TTC28: variants seen among roughly 807,000 people sequenced by gnomAD.
TTC28 encodes tetratricopeptide repeat protein 28.
A neutral mutation model predicts 198.0 loss-of-function variants in TTC28; 61 were observed. That is an observed-to-expected ratio of 0.31 (90% CI 0.25 to 0.38). The LOEUF is 0.38. Among genes scored for constraint, TTC28 ranks in the 10% least tolerant of loss-of-function variants. TTC28 has a pLI of 1.00. For missense variants in TTC28, 2,678 were observed against 3,164.0 expected (o/e 0.85, Z 3.69); for synonymous variants, 1,171 against 1,297.8 (o/e 0.90, Z 2.10).
chr22:28,587,607 T>A (rs1986052), intron 2 of TTC28, among the ~76,000 whole-genome samples: 50,412 of 151,380 alleles, frequency 0.33, 9,169 homozygotes, highest in African/African-American at 0.49. Context: ...CCACCACGCC[T>A]GGCTAATTTT....
At chr22:28,545,920 T>A (rs1253012677) in intron 2 of TTC28, among the ~76,000 whole-genome samples, 1 of 152,188 alleles carries the variant, frequency 6.6e-6, no homozygotes, top group Non-Finnish European at 1.5e-5. Flanking sequence ...ATCAATAGAA[T>A]TCAATGCAAT....
intron 12 of TTC28, among the ~76,000 whole-genome samples, chr22:28,057,261 G>GTCACTCCAATAATA (rs1940326872): frequency 1.3e-5 from 2 of 152,154 alleles, no homozygotes; most frequent in Admixed American, 1.3e-4. Flanking sequence ...TAATACATAA[G>GTCACTCCAATAATA]CATTTTAGTA....
Position 28,614,092 on chromosome 22 carries a change from A to G in TTC28, c.381+15460T>C, listed in dbSNP as rs557909268. 2.1e-3 allele frequency among the ~76,000 whole-genome samples: 322 copies of G among 152,326 alleles called. 1 individual carries two copies. The highest frequency in any genetic ancestry group is 3.7e-3 in the Non-Finnish European group (255 of 68,016). On this transcript the variant is annotated intron_variant, in intron 2 of 22. Transcript: ENST00000397906. ...CCTTAAGCTGATAAGCAACTTCAGC[A>G]AAGTCTCAGGATACAAAATCAATGT...
At chr22:28,446,284 G>A (rs1458012865) in intron 2 of TTC28, among the ~76,000 whole-genome samples, 2 of 151,836 alleles carry the variant, frequency 1.3e-5, no homozygotes, top group Non-Finnish European at 2.9e-5. Context: ...GGGGGTGGGA[G>A]GATGGAGAAT....
At chr22:28,311,337 T>C (rs2045252510) in intron 2 of TTC28, among the ~76,000 whole-genome samples, 1 of 152,158 alleles carries the variant, frequency 6.6e-6, no homozygotes, top group African/African-American at 2.4e-5. Flanking sequence ...ACCACTGATT[T>C]ATAATTTAAC....
intron 5 of TTC28, among the ~76,000 whole-genome samples, chr22:28,278,306 T>C (rs536914062): frequency 4.6e-5 from 7 of 152,338 alleles, no homozygotes; most frequent in Admixed American, 3.9e-4. Flanking sequence ...TATTTGTCAA[T>C]GGTAAATATT....
chr22:28,487,351 G>A (rs2048325437), intron 2 of TTC28, among the ~76,000 whole-genome samples: 1 of 151,170 alleles, frequency 6.6e-6, no homozygotes, highest in Non-Finnish European at 1.5e-5. Context: ...AGATAATAGT[G>A]GTTAAGATTT....
intron 2 of TTC28, among the ~76,000 whole-genome samples, chr22:28,395,920 G>T (rs1396678690): frequency 6.6e-6 from 1 of 152,118 alleles, no homozygotes; most frequent in Non-Finnish European, 1.5e-5. Flanking sequence ...GAAGCCCTAA[G>T]AATGTGAAAA....
intron 5 of TTC28, among the ~76,000 whole-genome samples, chr22:28,201,751 CAAAA>C (rs34790960): frequency 3.7e-5 from 3 of 80,998 alleles, no homozygotes; most frequent in African/African-American, 5.0e-5. Flanking sequence ...TTACAGAAAG[CAAAA>C]AAAAAAAAAA....
At chr22:28,447,398 C>T (rs2047719741) in intron 2 of TTC28, among the ~76,000 whole-genome samples, 1 of 152,128 alleles carries the variant, frequency 6.6e-6, no homozygotes, top group Non-Finnish European at 1.5e-5. Context: ...TAAAAATTTC[C>T]TAACTTTTAA....
chr22:28,205,039 A>G (rs1186742857), intron 5 of TTC28, among the ~76,000 whole-genome samples: 5 of 152,170 alleles, frequency 3.3e-5, no homozygotes, highest in Non-Finnish European at 5.9e-5. Flanking sequence ...GGAGCATACA[A>G]CCAACTCACT....
intron 2 of TTC28, among the ~76,000 whole-genome samples, chr22:28,573,598 C>T (rs56296504): frequency 0.04 from 6,025 of 152,024 alleles, 180 homozygotes; most frequent in Non-Finnish European, 0.062. Context: ...TTTACAGATA[C>T]ATGAGATATT....
chr22:28,390,939 C>G (rs1032722634), intron 2 of TTC28, among the ~76,000 whole-genome samples: 5 of 152,134 alleles, frequency 3.3e-5, no homozygotes, highest in South Asian at 2.1e-4. Context: ...TTCCTAGCCT[C>G]GATGGTCTAC....
In TTC28 at chr22:28,163,254, A is replaced by C; in HGVS notation, c.1279T>G (p.Leu427Val). 1 of 1,551,382 alleles carries C rather than the reference A, an allele frequency of 6.4e-7. No individual in the cohort carries two copies. The highest frequency in any genetic ancestry group is 8.7e-7 in the Non-Finnish European group (1 of 1,146,948). ...HNYVLELAQELMEKAIEMRAY... is the reference protein window; with the variant it reads ...HNYVLELAQEVMEKAIEMRAY... ...CGCATCTCAATAGCCTTCTCCATCAACTCCTGTGCCAGCTCCAGGACATAG... is the reference window on the plus strand; with the variant it reads ...CGCATCTCAATAGCCTTCTCCATCACCTCCTGTGCCAGCTCCAGGACATAG... Residue 427 changes from leucine to valine, a missense_variant, in exon 6 of 23, where the codon TTG (leucine) becomes GTG (valine). Leu to Val is a conservative substitution (Grantham distance 32). Around this residue, in one of 8 missense-constraint regions of TTC28, gnomAD observed 775 missense variants for 845.9 expected, o/e 0.92. Transcript: ENST00000397906.
chr22:28,499,638 A>G (rs2048508322), intron 2 of TTC28, among the ~76,000 whole-genome samples: 1 of 152,214 alleles, frequency 6.6e-6, no homozygotes. Flanking sequence ...AATAAAATGA[A>G]GCACAAATTC....
At chr22:28,376,639 G>A (rs769658715) in intron 2 of TTC28, among the ~76,000 whole-genome samples, 10 of 152,190 alleles carry the variant, frequency 6.6e-5, no homozygotes, top group Non-Finnish European at 1.3e-4. Context: ...TAAGTGCACT[G>A]CCTAGAGAGT....
intron 2 of TTC28, among the ~76,000 whole-genome samples, chr22:28,540,443 T>C (rs545573063): frequency 6.6e-6 from 1 of 152,298 alleles, no homozygotes; most frequent in Non-Finnish European, 1.5e-5. Context: ...AGTGTGCTTC[T>C]CCCTGCAGGA....
chr22:28,171,622 C>CA (rs5844804), intron 5 of TTC28, among the ~76,000 whole-genome samples: 2,410 of 104,294 alleles, frequency 0.023, 31 homozygotes, highest in South Asian at 0.044. Context: ...GGCATATTTG[C>CA]AAAAAAAAAA....
intron 2 of TTC28, among the ~76,000 whole-genome samples, chr22:28,349,498 G>A (rs1235652322): frequency 6.6e-6 from 1 of 152,148 alleles, no homozygotes; most frequent in Non-Finnish European, 1.5e-5. Context: ...GAATACTGCA[G>A]AGAAAGCAAA....
Sources: allele counts gnomAD v4.1 joint callset (sites outside exome capture counted in the v4.1 genomes callset), GRCh38; gene constraint gnomAD v4.1.1; regional missense constraint gnomAD v4.1.1; transcripts MANE v1.5; gene names NCBI Gene and HGNC (gene_info 2026-07-23, HGNC 2026-07-21).